The following PDE1C variants were observed in gnomAD, a reference collection of about 807,000 sequenced individuals.
PDE1C encodes dual specificity calcium/calmodulin-dependent 3',5'-cyclic nucleotide phosphodiesterase 1C.
Under a neutral mutation model 93.1 loss-of-function variants are expected in PDE1C, and 62 were observed. The ratio of observed to expected loss-of-function variants is 0.67; its 90% CI spans 0.54 to 0.82. The LOEUF is 0.82. PDE1C is among the 40% of genes least tolerant of loss of function. The pLI is 0.00. For synonymous variants in PDE1C, 325 were observed against 310.1 expected, an observed-to-expected ratio of 1.05 and a Z score of -0.50; for missense variants, 742 against 884.6, an observed-to-expected ratio of 0.84 and a Z score of 2.04.
intron 2 of PDE1C, among the ~76,000 whole-genome samples, chr7:31,989,109 A>G (rs1294003811): frequency 7.0e-6 from 1 of 142,794 alleles, no homozygotes; most frequent in Non-Finnish European, 1.5e-5. Flanking sequence ...AAAGAAAGAG[A>G]AAGAGAAAGA....
chr7:32,096,444 G>A (rs1037370064), intron 3 of PDE1C, among the ~76,000 whole-genome samples: 67 of 152,256 alleles, frequency 4.4e-4, no homozygotes, highest in Admixed American at 2.9e-3. Context: ...TGCATAAAAT[G>A]TCAAGAGAAT....
intron 2 of PDE1C, among the ~76,000 whole-genome samples, chr7:32,031,664 G>T (rs142323842): frequency 6.6e-6 from 1 of 152,182 alleles, no homozygotes; most frequent in East Asian, 1.9e-4. Flanking sequence ...ATGATCTTGC[G>T]TTCAAGGAGG....
intron 2 of PDE1C, among the ~76,000 whole-genome samples, chr7:31,916,198 T>C (rs1801892736): frequency 1.3e-5 from 2 of 152,122 alleles, no homozygotes; most frequent in African/African-American, 4.8e-5. Flanking sequence ...TGTTATATTA[T>C]TAATACTATT....
At chr7:31,679,149 G>T in the PDE1C span, among the ~76,000 whole-genome samples, 1 of 152,160 alleles carries the variant, frequency 6.6e-6, no homozygotes, top group Non-Finnish European at 1.5e-5. Flanking sequence ...CTCCTGGGCT[G>T]CTCCTATGTG....
At chr7:31,861,901 A>T (rs1380352850) in intron 7 of PDE1C, among the ~76,000 whole-genome samples, 1 of 152,180 alleles carries the variant, frequency 6.6e-6, no homozygotes, top group East Asian at 1.9e-4. Context: ...GGAACTCATT[A>T]GCGTGGCCTG....
intron 2 of PDE1C, among the ~76,000 whole-genome samples, chr7:32,008,049 T>C (rs1051461950): frequency 3.3e-5 from 5 of 152,156 alleles, no homozygotes; most frequent in Non-Finnish European, 5.9e-5. Context: ...TTTGGTATTG[T>C]TTTCCACCAT....
At chr7:31,668,666 G>A in the PDE1C span, among the ~76,000 whole-genome samples, 108 of 152,204 alleles carry the variant, frequency 7.1e-4, no homozygotes, top group East Asian at 0.018. Context: ...GGTTGTCTAC[G>A]GCTGGAGAAT....
intron 16 of PDE1C, among the ~76,000 whole-genome samples, chr7:31,777,903 A>G (rs1335651308): frequency 2.0e-5 from 3 of 152,140 alleles, no homozygotes; most frequent in Non-Finnish European, 4.4e-5. Flanking sequence ...TGGAGAACAT[A>G]GAGGGTCCAA....
intron 7 of PDE1C, among the ~76,000 whole-genome samples, chr7:31,863,234 G>A (rs1794886099): frequency 6.6e-6 from 1 of 152,028 alleles, no homozygotes; most frequent in Non-Finnish European, 1.5e-5. Context: ...AAAAACTGCT[G>A]GGAATGTACA....
intron 17 of PDE1C, among the ~76,000 whole-genome samples, chr7:31,768,659 A>C (rs1404070127): frequency 6.6e-6 from 1 of 152,208 alleles, no homozygotes; most frequent in African/African-American, 2.4e-5. Context: ...ATTTTAACAC[A>C]AAAGTCGGAT....
At chr7:31,809,633 A>C (rs1321262602) in intron 15 of PDE1C, among the ~76,000 whole-genome samples, 1 of 152,108 alleles carries the variant, frequency 6.6e-6, no homozygotes, top group Non-Finnish European at 1.5e-5. Context: ...TTCTTAGAAC[A>C]CGTGTCAAAA....
At chr7:31,758,350 T>A (rs996680892) in intron 17 of PDE1C, among the ~76,000 whole-genome samples, 1 of 152,172 alleles carries the variant, frequency 6.6e-6, no homozygotes, top group Non-Finnish European at 1.5e-5. Flanking sequence ...CTTTTTAAAA[T>A]ACTTATGAGG....
At chr7:31,813,267 C>G (rs948177397) in intron 15 of PDE1C, among the ~76,000 whole-genome samples, 1 of 152,084 alleles carries the variant, frequency 6.6e-6, no homozygotes, top group Non-Finnish European at 1.5e-5. Flanking sequence ...CACAGCCCGG[C>G]CCAGCCACCC....
intron 3 of PDE1C, among the ~76,000 whole-genome samples, chr7:32,092,677 A>G (rs2128745421): frequency 6.6e-6 from 1 of 152,332 alleles, no homozygotes; most frequent in East Asian, 1.9e-4. Context: ...TTTACAGAGG[A>G]TAAGTCTCCC....
intron 1 of PDE1C, among the ~76,000 whole-genome samples, chr7:32,323,908 G>A (rs149532211): frequency 4.5e-4 from 68 of 152,162 alleles, no homozygotes; most frequent in African/African-American, 1.6e-3. Flanking sequence ...CTGTCCCATC[G>A]CACACTGTGG....
At chr7:31,713,492 T>C in the PDE1C span, among the ~76,000 whole-genome samples, 1 of 152,168 alleles carries the variant, frequency 6.6e-6, no homozygotes, top group Admixed American at 6.5e-5. Context: ...TGTCAGTGGA[T>C]CTACCATTCT....
chr7:31,904,372 C>A (rs67847415), intron 2 of PDE1C, among the ~76,000 whole-genome samples: 19,847 of 151,850 alleles, frequency 0.13, 1,551 homozygotes, highest in South Asian at 0.18. Flanking sequence ...AAAAAAAAAT[C>A]TATATACAAT....
At chr7:31,931,627 T>C (rs79560730) in intron 2 of PDE1C, among the ~76,000 whole-genome samples, 2 of 152,184 alleles carry the variant, frequency 1.3e-5, no homozygotes, top group Admixed American at 6.5e-5. Context: ...TGCTCATGGA[T>C]AGGAAGAATC....
At chr7:32,423,272 G>A (rs1465734613) in intron 1 of PDE1C, among the ~76,000 whole-genome samples, 1 of 152,202 alleles carries the variant, frequency 6.6e-6, no homozygotes, top group Non-Finnish European at 1.5e-5. Context: ...AACTACTCAG[G>A]AGGCTGAGGT....
Sources: gnomAD v4.1 joint callset for allele counts (sites outside exome capture counted in the v4.1 genomes callset) on GRCh38, gnomAD v4.1.1 for gene constraint, MANE v1.5 for transcripts, NCBI Gene and HGNC (gene_info 2026-07-23, HGNC 2026-07-21) for gene names.